TRIM9: variants seen among roughly 807,000 people sequenced by gnomAD.
TRIM9 encodes the protein tripartite motif containing 9.
Under a neutral mutation model 78.3 loss-of-function variants are expected in TRIM9, and 26 were observed. That is an observed-to-expected ratio of 0.33 (90% confidence interval 0.24 to 0.46). The LOEUF is 0.46. TRIM9 is among the 20% of genes least tolerant of loss of function. The pLI, the probability that TRIM9 is intolerant of heterozygous loss-of-function variation, is 1.00. For missense variants in TRIM9, 787 were observed against 1,036.4 expected (o/e 0.76, Z 3.30); for synonymous variants, 398 against 416.5 (o/e 0.96, Z 0.54).
chr14:50,988,556 C>T (rs891483863), intron 7 of TRIM9, among the ~76,000 whole-genome samples: 2 of 149,306 alleles, frequency 1.3e-5, no homozygotes, highest in Non-Finnish European at 3.0e-5. Context: ...ATTTAACATC[C>T]ATACTGTACA....
chr14:51,083,843 T>C (rs2063527623), intron 1 of TRIM9, among the ~76,000 whole-genome samples: 1 of 152,194 alleles, frequency 6.6e-6, no homozygotes, highest in Non-Finnish European at 1.5e-5. Flanking sequence ...ACCAAAATAG[T>C]ATTTAGTGTG....
intron 7 of TRIM9, chr14:50,996,746 T>C (rs928602987): frequency 1.0e-6 from 1 of 985,432 alleles, no homozygotes. Flanking sequence ...GAGAAGGTGC[T>C]AAAATGATAA....
At chr14:51,058,242 T>G (rs1479068881) in intron 1 of TRIM9, among the ~76,000 whole-genome samples, 1 of 152,204 alleles carries the variant, frequency 6.6e-6, no homozygotes, top group Non-Finnish European at 1.5e-5. Flanking sequence ...ATCCAAAACC[T>G]AAGTTCATTC....
intron 1 of TRIM9, among the ~76,000 whole-genome samples, chr14:51,039,907 C>T (rs2139967383): frequency 6.6e-6 from 1 of 151,944 alleles, no homozygotes; most frequent in South Asian, 2.1e-4. Flanking sequence ...CCACCACGCC[C>T]AGCTAATTTT....
chr14:51,009,760 G>A (rs781695521), intron 4 of TRIM9, among the ~76,000 whole-genome samples: 4 of 152,198 alleles, frequency 2.6e-5, no homozygotes, highest in Non-Finnish European at 5.9e-5. Context: ...ATATTCAATC[G>A]CTTTCTGTCA....
intron 4 of TRIM9, among the ~76,000 whole-genome samples, chr14:51,009,705 T>C (rs1297511935): frequency 6.6e-6 from 1 of 152,260 alleles, no homozygotes; most frequent in Admixed American, 6.5e-5. Flanking sequence ...ATCATCTTCA[T>C]GTGATTATCA....
At chr14:51,000,948 T>C in intron 5 of TRIM9, 108 bp from the exon 6 acceptor site, 1 of 1,324,398 alleles carries the variant, frequency 7.6e-7, no homozygotes, top group Non-Finnish European at 1.1e-6. Context: ...GTAGCCAGAA[T>C]GGGGTGCACA....
intron 1 of TRIM9, among the ~76,000 whole-genome samples, chr14:51,074,368 G>A (rs1315372112): frequency 3.3e-5 from 5 of 152,146 alleles, no homozygotes; most frequent in Non-Finnish European, 7.4e-5. Flanking sequence ...TGAAGAATTT[G>A]GCATGTAAAA....
At chr14:51,001,566 A>G (rs535727634) in intron 5 of TRIM9, among the ~76,000 whole-genome samples, 5 of 152,212 alleles carry the variant, frequency 3.3e-5, no homozygotes, top group Non-Finnish European at 7.3e-5. Flanking sequence ...TTATTCTGAG[A>G]TTGAAACCCA....
intron 1 of TRIM9, among the ~76,000 whole-genome samples, chr14:51,082,337 A>G (rs2063376739): frequency 6.6e-6 from 1 of 152,228 alleles, no homozygotes; most frequent in Admixed American, 6.5e-5. Context: ...AATAGCCAAA[A>G]AGTGGAAGTA....
Position 51,042,321 on chromosome 14 carries a change from T to G in TRIM9, c.823-16961A>C, listed in dbSNP as rs576442999. Among the ~76,000 whole-genome samples, 6 of 152,288 alleles carry G rather than the reference T, an allele frequency of 3.9e-5. No homozygotes were observed. In the East Asian group the frequency reaches 1.2e-3, roughly 29 times the overall value. ...GCACTTCCCTTGTCCCCTCAGCCTA[T>G]CCTCTGGTGCCAGTCTCCTCTTCCT... On this transcript the variant is annotated intron_variant, in intron 1 of 12. Coordinates refer to ENST00000684578, the MANE Select transcript of TRIM9 (RefSeq NM_001387360.1).
At chr14:51,020,641 C>G (rs1273720404) in intron 3 of TRIM9, among the ~76,000 whole-genome samples, 1 of 152,202 alleles carries the variant, frequency 6.6e-6, no homozygotes, top group Non-Finnish European at 1.5e-5. Flanking sequence ...CCCAGCGATG[C>G]GTGAAAGCCA....
rs745356053 is a variant in TRIM9 at position 50,998,058 on chromosome 14, G to A, written c.1595C>T (p.Thr532Met). The change falls in exon 7 of 13, where the codon ACG (threonine) becomes ATG (methionine). Residue 532 changes from threonine to methionine, a missense_variant. Transcript: ENST00000684578. Reference protein sequence around the residue: ...SPYSKTLVLQTSEDTDSEEQT... With the variant: ...SPYSKTLVLQMSEDTDSEEQT... ...CTGCTGAAGGGCCTTACCCTCAGAC[G>A]TTTGGAGGACCAGGGTCTTGCTGTA... 2 of 1,614,198 alleles carry A rather than the reference G, an allele frequency of 1.2e-6. No individual in the cohort carries two copies. The highest frequency in any genetic ancestry group is 1.7e-6 in the Non-Finnish European group (2 of 1,180,038).
intron 5 of TRIM9, 37 bp downstream of exon 5, chr14:51,009,043 G>T: frequency 6.2e-7 from 1 of 1,608,102 alleles, no homozygotes; most frequent in Non-Finnish European, 8.5e-7. Context: ...ATCCACTCAG[G>T]ATGTTGCTCT....
intron 1 of TRIM9, among the ~76,000 whole-genome samples, chr14:51,063,701 A>C (rs190064264): frequency 3.5e-4 from 53 of 152,284 alleles, no homozygotes; most frequent in Middle Eastern, 3.4e-3. Flanking sequence ...TAAAATACTA[A>C]AACAAAAATA....
rs184639596 is a variant in TRIM9, at chr14:51,083,261, T to A, written c.822+10857A>T. Among the ~76,000 whole-genome samples the A allele has an allele frequency of 2.7e-3, 418 of 152,244 alleles. 2 individuals carry two copies. Among genetic ancestry groups the A allele is most frequent in the African/African-American group, 9.0e-3 (374 of 41,536 alleles). On this transcript the variant is annotated intron_variant, in intron 1 of 12. Coordinates refer to ENST00000684578, the MANE Select transcript of TRIM9 (RefSeq NM_001387360.1). ...TCCTTAGTTTTTTAATTAATTAATT[T>A]ATTTATTTAGAGACAGGGTCTCACT...
chr14:51,012,070 A>C (rs1228178481), intron 3 of TRIM9, among the ~76,000 whole-genome samples: 2 of 152,210 alleles, frequency 1.3e-5, no homozygotes, highest in Non-Finnish European at 2.9e-5. Context: ...ATTGTGGCAA[A>C]ATATACACAG....
intron 1 of TRIM9, among the ~76,000 whole-genome samples, chr14:51,030,872 CG>C (rs1223073542): frequency 7.9e-5 from 12 of 151,896 alleles, no homozygotes; most frequent in African/African-American, 2.7e-4. Flanking sequence ...CGAGGCCGGG[CG>C]TGGTGGCTCA....
intron 1 of TRIM9, among the ~76,000 whole-genome samples, chr14:51,077,957 A>C (rs2062953526): frequency 6.6e-6 from 1 of 152,214 alleles, no homozygotes; most frequent in South Asian, 2.1e-4. Flanking sequence ...TTATGCAATC[A>C]AACTAGAAAT....
Sources: gnomAD v4.1 joint callset for allele counts (sites outside exome capture counted in the v4.1 genomes callset) on GRCh38, gnomAD v4.1.1 for gene constraint, MANE v1.5 for transcripts, NCBI Gene and HGNC (gene_info 2026-07-23, HGNC 2026-07-21) for gene names.